IL12B: variants seen among roughly 807,000 people sequenced by gnomAD.
IL12B encodes interleukin-12 subunit beta.
Under a neutral mutation model 39.2 loss-of-function variants are expected in IL12B, and 27 were observed. The ratio of observed to expected loss-of-function variants is 0.69; its 90% CI spans 0.51 to 0.95. The LOEUF (loss-of-function observed/expected upper bound fraction) is 0.95, where lower values mean the gene tolerates loss of function less well. IL12B is among the 40% of genes least tolerant of loss of function. The pLI is 0.00. For synonymous variants in IL12B, 142 were observed against 152.1 expected, an observed-to-expected ratio of 0.93 and a Z score of 0.49; for missense variants, 351 against 397.6, an observed-to-expected ratio of 0.88 and a Z score of 1.00.
intron 7 of IL12B, among the ~76,000 whole-genome samples, chr5:159,316,315 C>T (rs1363497040): frequency 6.6e-6 from 1 of 152,176 alleles, no homozygotes; most frequent in African/African-American, 2.4e-5. Context: ...TGTGTTACTT[C>T]CTTGCTGAAA....
At chr5:159,319,555 C>T (rs1450346815) in intron 5 of IL12B, among the ~76,000 whole-genome samples, 1 of 152,230 alleles carries the variant, frequency 6.6e-6, no homozygotes, top group Non-Finnish European at 1.5e-5. Context: ...TGGTTGGGCT[C>T]TGTAGGCCTG....
At chr5:159,325,016 G>A (rs1025451786) in intron 2 of IL12B, among the ~76,000 whole-genome samples, 7 of 151,932 alleles carry the variant, frequency 4.6e-5, no homozygotes, top group African/African-American at 1.7e-4. Context: ...GAAGAGCATG[G>A]TTACTTTCCT....
intron 2 of IL12B, among the ~76,000 whole-genome samples, chr5:159,324,095 C>CATT (rs59737069): frequency 0.27 from 40,167 of 150,290 alleles, 5,760 homozygotes; most frequent in East Asian, 0.47. Context: ...ATTCTCTCTG[C>CATT]ATTATTATTA....
At chr5:159,322,971 G>A (rs1046770616) in intron 3 of IL12B, 83 bp downstream of exon 3, 10 of 1,321,494 alleles carry the variant, frequency 7.6e-6, no homozygotes, top group Admixed American at 3.4e-5. Context: ...ACCATGACTT[G>A]GCTTTTCAAT....
At chr5:159,318,991 G>T in intron 5 of IL12B, 98 bp from the exon 6 acceptor site, 1 of 1,019,080 alleles carries the variant, frequency 9.8e-7, no homozygotes, top group Non-Finnish European at 1.5e-6. Flanking sequence ...TCAGCTGTGA[G>T]TCCACTGGAT....
At chr5:159,329,001 T>C (rs193198147) in intron 1 of IL12B, among the ~76,000 whole-genome samples, 13 of 152,274 alleles carry the variant, frequency 8.5e-5, no homozygotes, top group African/African-American at 3.1e-4. Context: ...AGAGTCTTGA[T>C]GATTAAAACA....
intron 1 of IL12B, among the ~76,000 whole-genome samples, chr5:159,328,819 C>T (rs1036167711): frequency 2.0e-5 from 3 of 152,120 alleles, no homozygotes; most frequent in South Asian, 4.1e-4. Context: ...AAGGGAACCC[C>T]GGCCATGGTT....
At chr5:159,319,612 A>G (rs1754051893) in intron 5 of IL12B, among the ~76,000 whole-genome samples, 1 of 152,242 alleles carries the variant, frequency 6.6e-6, no homozygotes, top group Admixed American at 6.5e-5. Context: ...TGCTTCGCAC[A>G]TATGCTTCCC....
intron 6 of IL12B, among the ~76,000 whole-genome samples, chr5:159,317,785 C>T (rs1224024704): frequency 1.3e-5 from 2 of 152,248 alleles, no homozygotes; most frequent in South Asian, 2.1e-4. Flanking sequence ...TTCTATCATT[C>T]ATTACATGCA....
intron 1 of IL12B, among the ~76,000 whole-genome samples, chr5:159,329,527 C>G (rs992889354): frequency 6.6e-6 from 1 of 152,210 alleles, no homozygotes; most frequent in Non-Finnish European, 1.5e-5. Flanking sequence ...CTCTGCCACA[C>G]TGAGTGAACT....
intron 2 of IL12B, among the ~76,000 whole-genome samples, chr5:159,324,354 T>G (rs965589328): frequency 2.0e-5 from 3 of 152,218 alleles, no homozygotes; most frequent in African/African-American, 4.8e-5. Context: ...TAGCAAAGCT[T>G]CATTCATTTT....
At chr5:159,323,444 T>C in intron 2 of IL12B, 115 bp from the exon 3 acceptor site, 2 of 975,840 alleles carry the variant, frequency 2.0e-6, no homozygotes, top group Non-Finnish European at 3.2e-6. Flanking sequence ...TTACAACAAG[T>C]ATTTGGCAAA....
At chr5:159,316,899 C>T in intron 6 of IL12B, 83 bp from the exon 7 acceptor site, 2 of 1,503,090 alleles carry the variant, frequency 1.3e-6, no homozygotes, top group Non-Finnish European at 1.9e-6. Context: ...AATGCATACT[C>T]TCCCAAAACA....
chr5:159,316,642 A>G, intron 7 of IL12B, 43 bp downstream of exon 7: 1 of 1,590,590 alleles, frequency 6.3e-7, no homozygotes, highest in Non-Finnish European at 8.6e-7. Context: ...ATCCAGGTGC[A>G]CTGAGAGTGC....
At position 159,316,672 on chromosome 5, in the gene IL12B, A is replaced by G; in HGVS notation, c.*13T>C. The G allele has an allele frequency of 6.2e-7, 1 of 1,609,638 alleles. No homozygotes were observed. The highest frequency in any genetic ancestry group is 8.5e-7 in the Non-Finnish European group (1 of 1,178,074). On this transcript the variant is annotated intron_variant, in intron 7 of 7. Transcript: ENST00000231228. ...GAGTGCAGGCCTGGGCTGGCCTTTGAGGGCCTGCTCACCTAACTGCAGGGC... is the reference window on the plus strand; with the variant it reads ...GAGTGCAGGCCTGGGCTGGCCTTTGGGGGCCTGCTCACCTAACTGCAGGGC...
rs1287211414 is a variant in IL12B at position 159,315,048 on chromosome 5, C to G, written c.*1053G>C. The G allele has an allele frequency of 2.6e-5, 4 of 152,324 alleles. No individual in the cohort carries two copies. The highest frequency in any genetic ancestry group is 9.7e-5 in the African/African-American group (4 of 41,434). The allele number at this position is 152,324 out of a possible 1,614,324, so 9.4% of individuals were successfully genotyped here. On this transcript the variant is annotated 3_prime_UTR_variant, in exon 8 of 8. Coordinates refer to ENST00000231228, the MANE Select transcript of IL12B (RefSeq NM_002187.3). ...CCTGCCATTCTGACAATTTCATGTC[C>G]TTAGCCATAACTACTTGTCCTCTCT...
rs552350547 is a variant in IL12B at position 159,328,367 on chromosome 5, G to A, written c.1-1585C>T. On this transcript the variant is annotated intron_variant, in intron 1 of 7. Transcript: ENST00000231228. ...CACAGGCTTGAATTTTGGTCCCACC[G>A]CTCATTTGCTGTTGAGCAGTGGGAG... Among the ~76,000 whole-genome samples, 39 of 152,278 alleles carry A rather than the reference G, an allele frequency of 2.6e-4. 1 individual carries two copies. Among genetic ancestry groups the A allele is most frequent in the African/African-American group, 8.4e-4 (35 of 41,564 alleles).
intron 4 of IL12B, 97 bp downstream of exon 4, chr5:159,322,297 C>T (rs1278098680): frequency 3.6e-6 from 3 of 837,512 alleles, no homozygotes; most frequent in Non-Finnish European, 6.3e-6. Flanking sequence ...TTGCTTTTCC[C>T]ATTATCATTA....
Position 159,315,782 on chromosome 5 carries a change from A to G in IL12B, c.*319T>C, listed in dbSNP as rs1232692729. The G allele has an allele frequency of 6.5e-6, 1 of 152,802 alleles. No individual in the cohort carries two copies. Among genetic ancestry groups the G allele is most frequent in the Non-Finnish European group, 1.5e-5 (1 of 68,044 alleles). The allele number at this position is 152,802 out of a possible 1,614,324, so 9.5% of individuals were successfully genotyped here. The stretch of plus-strand genomic sequence containing the variant: ...ATGGATCAGGTCATAAGAGTATGAA[A>G]CATTCCATACATCCTGGCAGACAAA... On this transcript the variant is annotated 3_prime_UTR_variant, in exon 8 of 8. Coordinates refer to ENST00000231228, the MANE Select transcript of IL12B (RefSeq NM_002187.3).
Sources: allele counts gnomAD v4.1 joint callset (sites outside exome capture counted in the v4.1 genomes callset), GRCh38; gene constraint gnomAD v4.1.1; transcripts MANE v1.5; gene names NCBI Gene and HGNC (gene_info 2026-07-23, HGNC 2026-07-21).